FGF12: variants seen among roughly 807,000 people sequenced by gnomAD.
FGF12 encodes the protein fibroblast growth factor 12B.
Under a neutral mutation model 23.6 loss-of-function variants are expected in FGF12, and 14 were observed. The ratio of observed to expected loss-of-function variants is 0.59; its 90% CI spans 0.39 to 0.93. The LOEUF (loss-of-function observed/expected upper bound fraction) is 0.93, where lower values mean the gene tolerates loss of function less well. FGF12 is among the 40% of genes least tolerant of loss of function. The pLI, the probability that FGF12 is intolerant of heterozygous loss-of-function variation, is 0.00. For missense variants in FGF12, 175 were observed against 217.8 expected (o/e 0.80, Z 1.24); for synonymous variants, 62 against 77.3 (o/e 0.80, Z 1.04).
intron 2 of FGF12, among the ~76,000 whole-genome samples, chr3:192,591,617 T>C (rs902618642): frequency 1.3e-5 from 2 of 151,870 alleles, no homozygotes; most frequent in African/African-American, 2.4e-5. Flanking sequence ...TTCTTTCTCA[T>C]GCATCATTTA....
chr3:192,279,459 G>T (rs878866369), intron 4 of FGF12, among the ~76,000 whole-genome samples: 1 of 152,144 alleles, frequency 6.6e-6, no homozygotes, highest in Middle Eastern at 3.4e-3. Context: ...ACAACCCTAT[G>T]AAGTAGTCAC....
chr3:192,636,368 G>C (rs1048908018), intron 2 of FGF12, among the ~76,000 whole-genome samples: 11 of 152,122 alleles, frequency 7.2e-5, no homozygotes, highest in African/African-American at 2.4e-4. Context: ...GCCACATGTG[G>C]CCACTATATT....
intron 2 of FGF12, among the ~76,000 whole-genome samples, chr3:192,454,057 G>A (rs1385801907): frequency 6.8e-6 from 1 of 147,944 alleles, no homozygotes; most frequent in South Asian, 2.1e-4. Flanking sequence ...TTTGTTTTTT[G>A]AGATGGAGTC....
chr3:192,331,429 A>G (rs1391849832), intron 4 of FGF12, among the ~76,000 whole-genome samples: 1 of 152,104 alleles, frequency 6.6e-6, no homozygotes, highest in African/African-American at 2.4e-5. Context: ...AAGAGGCCAA[A>G]GTAACCTAAA....
At chr3:192,486,308 T>G (rs994885209) in intron 2 of FGF12, among the ~76,000 whole-genome samples, 1 of 152,138 alleles carries the variant, frequency 6.6e-6, no homozygotes, top group Admixed American at 6.6e-5. Context: ...GCAAATAGTT[T>G]TTTTTTTAAT....
intron 2 of FGF12, among the ~76,000 whole-genome samples, chr3:192,416,990 A>C (rs1216638083): frequency 6.6e-6 from 1 of 152,132 alleles, no homozygotes; most frequent in African/African-American, 2.4e-5. Flanking sequence ...AATGTTTTGG[A>C]CAGGATAATC....
rs144601185 is a variant in FGF12, at chr3:192,634,087, C to T, written c.13+93094G>A. ...CACTACCTCTTTGCTTCAAAGGATA[C>T]GAAACAAAATGTAATTTTCATCATA... On this transcript the variant is annotated intron_variant, in intron 2 of 5. Transcript: ENST00000445105. 1.5e-4 allele frequency among the ~76,000 whole-genome samples: 23 copies of T among 152,302 alleles called. No individual in the cohort carries two copies. In the South Asian group the frequency reaches 2.1e-3, roughly 14 times the overall value.
intron 2 of FGF12, among the ~76,000 whole-genome samples, chr3:192,713,385 G>T (rs1440401299): frequency 6.6e-6 from 1 of 152,062 alleles, no homozygotes; most frequent in Non-Finnish European, 1.5e-5. Context: ...GGAAAAAATG[G>T]GAGAGAGGAC....
At chr3:192,683,888 C>T (rs1341942696) in intron 2 of FGF12, among the ~76,000 whole-genome samples, 2 of 152,170 alleles carry the variant, frequency 1.3e-5, no homozygotes, top group Non-Finnish European at 2.9e-5. Context: ...AACCTCCATT[C>T]CCTGCGCAAT....
At chr3:192,557,505 C>T (rs1468272842) in intron 2 of FGF12, among the ~76,000 whole-genome samples, 2 of 151,878 alleles carry the variant, frequency 1.3e-5, no homozygotes, top group African/African-American at 4.8e-5. Context: ...GAATTAATAT[C>T]ATTTTTTCTC....
intron 2 of FGF12, among the ~76,000 whole-genome samples, chr3:192,551,937 A>C (rs73887621): frequency 1.7e-3 from 265 of 152,284 alleles, no homozygotes; most frequent in African/African-American, 6.2e-3. Flanking sequence ...AAGACCTTAA[A>C]AGTGGATAAA....
At chr3:192,600,133 A>G (rs1488719486) in intron 2 of FGF12, among the ~76,000 whole-genome samples, 1 of 152,086 alleles carries the variant, frequency 6.6e-6, no homozygotes, top group Non-Finnish European at 1.5e-5. Context: ...AGCACTAATT[A>G]TTGAAGAAAT....
Position 192,352,179 on chromosome 3 carries a change from CAG to C in FGF12, c.124+8247_124+8248del, listed in dbSNP as rs1491010419. On this transcript the variant is annotated intron_variant, in intron 3 of 5. Transcript: ENST00000445105. ...TTAAGATGATAGAAAGTTTGAATTT[CAG>C]TGTCTACAGACCTCTGCTTTCCCTA... Among the ~76,000 whole-genome samples, 555 of 152,244 alleles carry C rather than the reference CAG, an allele frequency of 3.6e-3. 1 individual carries two copies. Among genetic ancestry groups the C allele is most frequent in the African/African-American group, 0.012 (513 of 41,550 alleles).
intron 4 of FGF12, among the ~76,000 whole-genome samples, chr3:192,216,709 A>G (rs1718210939): frequency 6.6e-6 from 1 of 152,222 alleles, no homozygotes. Flanking sequence ...TCAGAAATCA[A>G]GTTTAATTCA....
At chr3:192,615,482 C>T (rs1301850239) in intron 2 of FGF12, among the ~76,000 whole-genome samples, 2 of 151,880 alleles carry the variant, frequency 1.3e-5, no homozygotes, top group Non-Finnish European at 2.9e-5. Context: ...CACCCCTTAC[C>T]AGCCCCGCCA....
intron 4 of FGF12, among the ~76,000 whole-genome samples, chr3:192,262,244 G>A (rs1248997389): frequency 1.3e-5 from 2 of 152,116 alleles, no homozygotes; most frequent in African/African-American, 4.8e-5. Context: ...CTGGCCGTGG[G>A]GAGGCATAAA....
At chr3:192,269,104 A>G (rs1713264028) in intron 4 of FGF12, among the ~76,000 whole-genome samples, 2 of 151,814 alleles carry the variant, frequency 1.3e-5, no homozygotes, top group South Asian at 2.1e-4. Context: ...TAGTAGAGAA[A>G]GTGTTTCACC....
At chr3:192,455,546 A>G (rs935738175) in intron 2 of FGF12, among the ~76,000 whole-genome samples, 3 of 152,206 alleles carry the variant, frequency 2.0e-5, no homozygotes, top group African/African-American at 4.8e-5. Flanking sequence ...TTTAATCTCT[A>G]CACAGTTTAT....
chr3:192,496,730 CAGTCAAA>C (rs2108829931), intron 2 of FGF12, among the ~76,000 whole-genome samples: 1 of 152,288 alleles, frequency 6.6e-6, no homozygotes, highest in East Asian at 1.9e-4. Flanking sequence ...CCACATTTCC[CAGTCAAA>C]AGATCCATTC....
Sources: allele counts gnomAD v4.1 joint callset (sites outside exome capture counted in the v4.1 genomes callset), GRCh38; gene constraint gnomAD v4.1.1; transcripts MANE v1.5; gene names NCBI Gene and HGNC (gene_info 2026-07-23, HGNC 2026-07-21).